Variants in CLIP4 observed in about 807,000 individuals in gnomAD.
CLIP4 encodes CAP-Gly domain-containing linker protein 4.
A neutral mutation model predicts 73.1 loss-of-function variants in CLIP4; 47 were observed. The ratio of observed to expected loss-of-function variants is 0.64; its 90% CI spans 0.51 to 0.82. The LOEUF is 0.82. CLIP4 is among the 40% of genes least tolerant of loss of function. CLIP4 has a pLI of 0.00. For missense variants in CLIP4, 874 were observed against 852.9 expected (o/e 1.02, Z -0.31); for synonymous variants, 306 against 295.4 (o/e 1.04, Z -0.37).
chr2:29,139,889 G>A (rs571717822), intron 6 of CLIP4, among the ~76,000 whole-genome samples: 2 of 151,800 alleles, frequency 1.3e-5, no homozygotes, highest in African/African-American at 4.8e-5. Flanking sequence ...TTTTTCTTTA[G>A]CTAGCAGTCT....
intron 8 of CLIP4, among the ~76,000 whole-genome samples, chr2:29,148,193 G>C (rs1202556302): frequency 6.6e-6 from 1 of 152,190 alleles, no homozygotes; most frequent in Non-Finnish European, 1.5e-5. Context: ...GGGAGCCCCA[G>C]GTCACGGCTA....
intron 2 of CLIP4, among the ~76,000 whole-genome samples, chr2:29,125,975 G>A (rs758259594): frequency 1.3e-5 from 2 of 152,182 alleles, no homozygotes; most frequent in South Asian, 2.1e-4. Flanking sequence ...AGGAGTTCAA[G>A]ACCAGCCTGA....
At position 29,152,751 on chromosome 2, in the gene CLIP4, C is replaced by A; in HGVS notation, c.1088C>A (p.Pro363His). The A allele has an allele frequency of 3.1e-6, 5 of 1,613,778 alleles. No individual in the cohort carries two copies. Among genetic ancestry groups the A allele is most frequent in the Non-Finnish European group, 4.2e-6 (5 of 1,179,812 alleles). Reference sequence around the variant, plus strand: ...CGAAGGAAGAATATAACACACACTCCTTCTACAAAAGCTGCTGTACCTCTC... The same window carrying A: ...CGAAGGAAGAATATAACACACACTCATTCTACAAAAGCTGCTGTACCTCTC... Reference protein sequence around the residue: ...KGRRKNITHTPSTKAAVPLIR... With the variant: ...KGRRKNITHTHSTKAAVPLIR... The change falls in exon 9 of 16, where the codon CCT (proline) becomes CAT (histidine). Residue 363 changes from proline (P) to histidine (H), a missense_variant. Physicochemically the swap from Pro to His is moderately conservative, Grantham distance 77. Coordinates refer to ENST00000320081, the MANE Select transcript of CLIP4 (RefSeq NM_024692.6).
intron 3 of CLIP4, 139 bp from the exon 4 acceptor site, chr2:29,132,013 A>G: frequency 1.8e-6 from 1 of 569,858 alleles, no homozygotes; most frequent in South Asian, 2.5e-5. Flanking sequence ...TTTACCCTTA[A>G]GATATGCTCA....
At chr2:29,172,436 A>C (rs570139977) in intron 14 of CLIP4, among the ~76,000 whole-genome samples, 1 of 152,304 alleles carries the variant, frequency 6.6e-6, no homozygotes, top group East Asian at 1.9e-4. Flanking sequence ...TTCCCCCTGC[A>C]TATTGACAGT....
intron 9 of CLIP4, among the ~76,000 whole-genome samples, chr2:29,154,118 A>T (rs1178528928): frequency 6.6e-6 from 1 of 152,160 alleles, no homozygotes; most frequent in African/African-American, 2.4e-5. Flanking sequence ...ATTTTTTTCT[A>T]CAGGTATTTT....
At chr2:29,165,678 TTTTG>T (rs1667563965) in intron 13 of CLIP4, among the ~76,000 whole-genome samples, 1 of 152,302 alleles carries the variant, frequency 6.6e-6, no homozygotes, top group Admixed American at 6.5e-5. Flanking sequence ...CTCTTACAAG[TTTTG>T]TTTGTTTCCT....
intron 14 of CLIP4, among the ~76,000 whole-genome samples, chr2:29,172,202 C>G (rs1668055011): frequency 6.6e-6 from 1 of 151,792 alleles, no homozygotes; most frequent in Admixed American, 6.6e-5. Flanking sequence ...TTTTATTTCT[C>G]CTATAAATTT....
intron 13 of CLIP4, among the ~76,000 whole-genome samples, chr2:29,166,911 A>T (rs755854583): frequency 6.6e-6 from 1 of 152,184 alleles, no homozygotes; most frequent in Non-Finnish European, 1.5e-5. Flanking sequence ...AAAGAAAATG[A>T]GCCTGTCAGG....
chr2:29,145,321 T>C lies in CLIP4; in HGVS notation c.975T>C (p.Asn325=). 1 of 1,613,178 alleles carries C rather than the reference T, an allele frequency of 6.2e-7. No homozygotes were observed. Among genetic ancestry groups the C allele is most frequent in the Non-Finnish European group, 8.5e-7 (1 of 1,179,278 alleles). ...TGGATGAACCAGAAGGAAAAAATAA[T>C]GGAAGTGTTGGAAAAGTCCAGTACT... ...IELDEPEGKN[N]GSVGKVQYFK... Residue 325 remains asparagine, a synonymous_variant, in exon 8 of 16, where the codon AAT becomes AAC. Coordinates refer to ENST00000320081, the MANE Select transcript of CLIP4 (RefSeq NM_024692.6).
At chr2:29,118,313 G>T (rs1490904254) in intron 1 of CLIP4, 1 of 152,082 alleles carries the variant, frequency 6.6e-6, no homozygotes. Flanking sequence ...ATTTATTACT[G>T]CTCTGTGTTA....
intron 14 of CLIP4, among the ~76,000 whole-genome samples, chr2:29,168,512 CTTTTTTTTTTTTTTTT>C (rs35201336): frequency 1.2e-4 from 8 of 66,776 alleles, no homozygotes; most frequent in Admixed American, 3.5e-4. Flanking sequence ...ATGGTTTGCC[CTTTTTTTTTTTTTTTT>C]TTTTTTTTTT....
chr2:29,124,691 C>T (rs1258340109), intron 2 of CLIP4, among the ~76,000 whole-genome samples: 2 of 152,020 alleles, frequency 1.3e-5, no homozygotes, highest in Non-Finnish European at 2.9e-5. Context: ...ATTAATCTTT[C>T]CTTCTGCAGT....
At chr2:29,100,483 T>G (rs1271460122) in intron 1 of CLIP4, among the ~76,000 whole-genome samples, 1 of 152,072 alleles carries the variant, frequency 6.6e-6, no homozygotes, top group Non-Finnish European at 1.5e-5. Context: ...TTGTTGCAAA[T>G]TTAAAATTTA....
chr2:29,167,531 T>A lies in CLIP4; in HGVS notation c.1714T>A (p.Ser572Thr), dbSNP rs1667703281. The A allele has an allele frequency of 1.2e-6, 2 of 1,605,446 alleles. No homozygotes were observed. Among genetic ancestry groups the A allele is most frequent in the Non-Finnish European group, 1.7e-6 (2 of 1,175,856 alleles). The change falls in exon 14 of 16, where the codon TCT (serine) becomes ACT (threonine). Residue 572 changes from serine to threonine, a missense_variant. By Grantham distance (58) the Ser-to-Thr change is moderately conservative. Transcript: ENST00000320081. ...AATTTCTTCAAATAAACAGAACCAT[T>A]CTTATCCTGGTAAGACTACACAGTT... The part of the protein sequence containing the change: ...SEISSNKQNH[S>T]YPGFRRSFST...
At chr2:29,107,435 G>A (rs903518031) in intron 1 of CLIP4, among the ~76,000 whole-genome samples, 5 of 132,110 alleles carry the variant, frequency 3.8e-5, no homozygotes, top group East Asian at 4.7e-4. Flanking sequence ...GCAGTGGTGC[G>A]ATATTGGCTC....
chr2:29,125,623 C>A (rs749937594), intron 2 of CLIP4, among the ~76,000 whole-genome samples: 7 of 152,140 alleles, frequency 4.6e-5, no homozygotes, highest in African/African-American at 7.2e-5. Flanking sequence ...CCCTGCCCCA[C>A]CCCTGAACTA....
intron 12 of CLIP4, among the ~76,000 whole-genome samples, chr2:29,161,022 T>TG (rs1335036495): frequency 6.6e-6 from 1 of 152,180 alleles, no homozygotes; most frequent in African/African-American, 2.4e-5. Context: ...TTGCCCAGGC[T>TG]GGAGTGCAAT....
chr2:29,109,360 AGAC>A (rs1180069281), intron 1 of CLIP4, among the ~76,000 whole-genome samples: 4 of 151,978 alleles, frequency 2.6e-5, no homozygotes, highest in Non-Finnish European at 5.9e-5. Context: ...GGCTTTAAGA[AGAC>A]TTCAATTTTT....
Sources: gnomAD v4.1 joint callset for allele counts (sites outside exome capture counted in the v4.1 genomes callset) on GRCh38, gnomAD v4.1.1 for gene constraint, MANE v1.5 for transcripts, NCBI Gene and HGNC (gene_info 2026-07-23, HGNC 2026-07-21) for gene names.